Variants in PACRG observed in about 807,000 individuals in gnomAD.
The protein encoded by PACRG is parkin coregulated, also known as parkin coregulated gene protein.
PACRG carries 29 observed loss-of-function variants against 29.7 expected under a neutral mutation model. That is an observed-to-expected ratio of 0.98 (90% CI 0.73 to 1.33). PACRG has a LOEUF of 1.33. Among genes scored for constraint, PACRG ranks in the 40% most tolerant of loss-of-function variants. PACRG has a pLI of 0.00. For synonymous variants in PACRG, 116 were observed against 118.7 expected (o/e 0.98, Z 0.15); for missense variants, 279 against 316.2 (o/e 0.88, Z 0.89).
chr6:163,193,696 T>G (rs893629832), intron 4 of PACRG, among the ~76,000 whole-genome samples: 2 of 152,102 alleles, frequency 1.3e-5, no homozygotes, highest in African/African-American at 4.8e-5. Flanking sequence ...CAAATTTTCC[T>G]CAGAGATAAT....
chr6:162,882,819 T>A (rs1246809349), intron 2 of PACRG, among the ~76,000 whole-genome samples: 1 of 152,216 alleles, frequency 6.6e-6, no homozygotes, highest in African/African-American at 2.4e-5. Context: ...ATTATTTCCA[T>A]TGTGCTCACT....
chr6:162,772,169 G>C (rs1214744832), intron 1 of PACRG, among the ~76,000 whole-genome samples: 3 of 152,166 alleles, frequency 2.0e-5, no homozygotes, highest in Non-Finnish European at 2.9e-5. Flanking sequence ...ATACTGTGTA[G>C]GCATGACAGA....
intron 1 of PACRG, among the ~76,000 whole-genome samples, chr6:162,774,931 A>G (rs1462165790): frequency 6.6e-6 from 1 of 152,180 alleles, no homozygotes; most frequent in African/African-American, 2.4e-5. Flanking sequence ...GCTGGTAGTC[A>G]GTGAGCACGG....
At chr6:162,858,936 A>G (rs187160406) in intron 2 of PACRG, among the ~76,000 whole-genome samples, 219 of 152,304 alleles carry the variant, frequency 1.4e-3, no homozygotes, top group Non-Finnish European at 2.4e-3. Flanking sequence ...TTCAGGAGAC[A>G]GAGGACAGGA....
intron 2 of PACRG, among the ~76,000 whole-genome samples, chr6:163,049,498 T>C (rs1809762616): frequency 6.6e-6 from 1 of 152,018 alleles, no homozygotes; most frequent in Non-Finnish European, 1.5e-5. Context: ...TATAAAACAT[T>C]AACGAATTCA....
intron 3 of PACRG, among the ~76,000 whole-genome samples, chr6:163,083,936 A>T (rs772279541): frequency 2.8e-4 from 43 of 152,254 alleles, no homozygotes; most frequent in Non-Finnish European, 1.5e-4. Context: ...AGTGGATTTT[A>T]TGCCTGAGAA....
chr6:163,298,619 G>T (rs1399064955), intron 4 of PACRG, among the ~76,000 whole-genome samples: 1 of 152,216 alleles, frequency 6.6e-6, no homozygotes, highest in Admixed American at 6.5e-5. Flanking sequence ...CACAAAAATT[G>T]TGCAAATCTG....
chr6:163,010,530 G>A (rs1805514723), intron 2 of PACRG, among the ~76,000 whole-genome samples: 2 of 152,048 alleles, frequency 1.3e-5, no homozygotes, highest in Admixed American at 1.3e-4. Context: ...ACCTCATTTA[G>A]CCCTCCTCCT....
At chr6:163,052,109 C>T (rs1057496902) in intron 2 of PACRG, 1 of 152,022 alleles carries the variant, frequency 6.6e-6, no homozygotes, top group Non-Finnish European at 1.5e-5. Flanking sequence ...AATAATAGTA[C>T]ATCTACTTGT....
chr6:163,037,729 G>A (rs1360071418), intron 2 of PACRG, among the ~76,000 whole-genome samples: 2 of 152,184 alleles, frequency 1.3e-5, no homozygotes, highest in Non-Finnish European at 1.5e-5. Context: ...ACAGACGCAT[G>A]TGCACATGCA....
chr6:162,983,105 C>G (rs1363628906), intron 2 of PACRG, among the ~76,000 whole-genome samples: 1 of 151,912 alleles, frequency 6.6e-6, no homozygotes, highest in Non-Finnish European at 1.5e-5. Context: ...TCTGTCTTGT[C>G]TGACCTAAGA....
chr6:163,031,194 T>G (rs1562848326), intron 2 of PACRG, among the ~76,000 whole-genome samples: 1 of 152,350 alleles, frequency 6.6e-6, no homozygotes, highest in African/African-American at 2.4e-5. Flanking sequence ...TTCTGCATTC[T>G]TACTCAAAGA....
intron 4 of PACRG, among the ~76,000 whole-genome samples, chr6:163,137,140 C>A (rs1466820772): frequency 1.3e-5 from 2 of 152,128 alleles, no homozygotes; most frequent in Non-Finnish European, 2.9e-5. Context: ...TCTGGAGAAG[C>A]CTTATCTATC....
At chr6:163,269,710 G>GA (rs1783661491) in intron 4 of PACRG, among the ~76,000 whole-genome samples, 1 of 149,594 alleles carries the variant, frequency 6.7e-6, no homozygotes, top group Admixed American at 6.8e-5. Flanking sequence ...CCATATGAAA[G>GA]AAAAAATGGG....
chr6:162,818,917 T>C (rs1262276302), intron 2 of PACRG, among the ~76,000 whole-genome samples: 2 of 152,150 alleles, frequency 1.3e-5, no homozygotes, highest in East Asian at 3.9e-4. Context: ...CTTTTATGCA[T>C]GCAACAAAAT....
At chr6:163,281,946 T>G (rs1784239106) in intron 4 of PACRG, among the ~76,000 whole-genome samples, 1 of 152,230 alleles carries the variant, frequency 6.6e-6, no homozygotes, top group Non-Finnish European at 1.5e-5. Context: ...GAGTATCATG[T>G]GCACAAGAAG....
intron 4 of PACRG, among the ~76,000 whole-genome samples, chr6:163,097,849 A>G (rs1814741854): frequency 6.6e-6 from 1 of 152,188 alleles, no homozygotes; most frequent in African/African-American, 2.4e-5. Context: ...AGAGAAAATA[A>G]GTTGGCAGAT....
intron 1 of PACRG, among the ~76,000 whole-genome samples, chr6:162,792,753 G>C (rs954068557): frequency 9.8e-5 from 15 of 152,292 alleles, no homozygotes; most frequent in Non-Finnish European, 1.0e-4. Context: ...ACAGGGAAGG[G>C]TATGCAAAAG....
intron 2 of PACRG, among the ~76,000 whole-genome samples, chr6:162,981,290 C>CATATATAT (rs150972042): frequency 5.7e-5 from 8 of 139,508 alleles, no homozygotes; most frequent in African/African-American, 1.7e-4. Flanking sequence ...ATGTATAAAA[C>CATATATAT]ATATATATAT....
Sources: allele counts gnomAD v4.1 joint callset (sites outside exome capture counted in the v4.1 genomes callset), GRCh38; gene constraint gnomAD v4.1.1; transcripts MANE v1.5; gene names NCBI Gene and HGNC (gene_info 2026-07-23, HGNC 2026-07-21).